Variants in TRPC4 observed in about 807,000 individuals in gnomAD.
The protein encoded by TRPC4 is transient receptor potential cation channel subfamily C member 4.
A neutral mutation model predicts 99.4 loss-of-function variants in TRPC4; 49 were observed. The ratio of observed to expected loss-of-function variants is 0.49; its 90% CI spans 0.39 to 0.63. TRPC4 has a LOEUF of 0.63. TRPC4 is among the 20% of genes least tolerant of loss of function. TRPC4 has a pLI of 0.00. For missense variants in TRPC4, 898 were observed against 1,152.9 expected (o/e 0.78, Z 3.20); for synonymous variants, 454 against 425.9 (o/e 1.07, Z -0.81).
intron 4 of TRPC4, among the ~76,000 whole-genome samples, chr13:37,681,268 CATTAAATCTG>C (rs938314533): frequency 2.0e-5 from 3 of 152,170 alleles, no homozygotes; most frequent in Admixed American, 6.5e-5. Flanking sequence ...AAGGAGGAGA[CATTAAATCTG>C]ATTTTCTTGA....
chr13:37,774,714 T>C (rs1956651531), intron 2 of TRPC4, among the ~76,000 whole-genome samples: 1 of 151,680 alleles, frequency 6.6e-6, no homozygotes, highest in Admixed American at 6.6e-5. Flanking sequence ...AAAAAGAACA[T>C]TTAAAATTCT....
At chr13:37,682,637 T>G (rs923538516) in intron 4 of TRPC4, among the ~76,000 whole-genome samples, 6 of 152,164 alleles carry the variant, frequency 3.9e-5, no homozygotes, top group Non-Finnish European at 8.8e-5. Flanking sequence ...ACCCTATCTG[T>G]TCCCAACCAC....
At chr13:37,802,134 A>C (rs535691159) in intron 1 of TRPC4, among the ~76,000 whole-genome samples, 2 of 152,140 alleles carry the variant, frequency 1.3e-5, no homozygotes, top group Non-Finnish European at 2.9e-5. Flanking sequence ...AATGATTTCA[A>C]ACTTACAGAA....
intron 1 of TRPC4, among the ~76,000 whole-genome samples, chr13:37,833,538 CAA>C (rs1958480398): frequency 6.6e-6 from 1 of 152,184 alleles, no homozygotes; most frequent in South Asian, 2.1e-4. Flanking sequence ...CCTGCTCTGT[CAA>C]AGAGACAGAC....
chr13:37,837,185 C>T (rs560295285), intron 1 of TRPC4, among the ~76,000 whole-genome samples: 1 of 152,226 alleles, frequency 6.6e-6, no homozygotes, highest in Non-Finnish European at 1.5e-5. Context: ...AGGGGCAGGG[C>T]CCTCATAGAG....
intron 3 of TRPC4, among the ~76,000 whole-genome samples, chr13:37,727,849 T>C (rs1955113189): frequency 6.6e-6 from 1 of 152,126 alleles, no homozygotes; most frequent in African/African-American, 2.4e-5. Flanking sequence ...ACTATCATTA[T>C]CAAATGGCAT....
At chr13:37,818,974 A>T (rs1957939279) in intron 1 of TRPC4, among the ~76,000 whole-genome samples, 1 of 152,000 alleles carries the variant, frequency 6.6e-6, no homozygotes, top group South Asian at 2.1e-4. Context: ...TGTGGCCAAC[A>T]AGCATATGAA....
At chr13:37,721,153 A>G (rs17056504) in intron 3 of TRPC4, among the ~76,000 whole-genome samples, 15,019 of 152,248 alleles carry the variant, frequency 0.099, 841 homozygotes, top group Admixed American at 0.17. Context: ...CCCATTTTTC[A>G]TAAGTGCTTA....
At chr13:37,849,896 C>A (rs1368478999) in intron 1 of TRPC4, among the ~76,000 whole-genome samples, 4 of 152,154 alleles carry the variant, frequency 2.6e-5, no homozygotes, top group Admixed American at 2.6e-4. Context: ...ACACAGAAGA[C>A]AAATAATCCA....
intron 4 of TRPC4, among the ~76,000 whole-genome samples, chr13:37,675,549 G>A (rs1273815776): frequency 6.6e-6 from 1 of 152,172 alleles, no homozygotes; most frequent in Non-Finnish European, 1.5e-5. Flanking sequence ...AGCCTGGGGA[G>A]AAAAGAGGCT....
intron 1 of TRPC4, among the ~76,000 whole-genome samples, chr13:37,835,251 C>T (rs1354733830): frequency 6.6e-6 from 1 of 152,156 alleles, no homozygotes; most frequent in Non-Finnish European, 1.5e-5. Context: ...TTCATTTTAA[C>T]TTCATGCCTT....
At chr13:37,751,691 A>G (rs1226138433) in intron 2 of TRPC4, among the ~76,000 whole-genome samples, 1 of 152,064 alleles carries the variant, frequency 6.6e-6, no homozygotes, top group Non-Finnish European at 1.5e-5. Flanking sequence ...CATATATTGA[A>G]TCAACAAATA....
At chr13:37,665,527 A>G (rs1375643074) in intron 5 of TRPC4, among the ~76,000 whole-genome samples, 1 of 152,180 alleles carries the variant, frequency 6.6e-6, no homozygotes, top group Non-Finnish European at 1.5e-5. Context: ...TCAAGTATTC[A>G]TAGCCCGGTG....
At chr13:37,794,278 G>T (rs1312824662) in intron 1 of TRPC4, among the ~76,000 whole-genome samples, 1 of 151,966 alleles carries the variant, frequency 6.6e-6, no homozygotes, top group African/African-American at 2.4e-5. Flanking sequence ...CAAAATAAAA[G>T]TTTATTTTGT....
chr13:37,741,698 A>C (rs1165605665), intron 3 of TRPC4, among the ~76,000 whole-genome samples: 1 of 152,188 alleles, frequency 6.6e-6, no homozygotes, highest in Non-Finnish European at 1.5e-5. Flanking sequence ...CAAGGCTTTC[A>C]TTACGGGCGA....
At chr13:37,864,221 C>G (rs1348241174) in intron 1 of TRPC4, among the ~76,000 whole-genome samples, 2 of 151,566 alleles carry the variant, frequency 1.3e-5, no homozygotes, top group African/African-American at 4.8e-5. Context: ...AGTAAGCATT[C>G]CTGAGAAACA....
At chr13:37,844,799 C>T (rs1958847410) in intron 1 of TRPC4, among the ~76,000 whole-genome samples, 1 of 152,166 alleles carries the variant, frequency 6.6e-6, no homozygotes, top group African/African-American at 2.4e-5. Context: ...CACATTAAGC[C>T]AGCAGGCAAG....
chr13:37,778,302 G>A (rs1157586758), intron 2 of TRPC4, among the ~76,000 whole-genome samples: 1 of 151,938 alleles, frequency 6.6e-6, no homozygotes, highest in East Asian at 1.9e-4. Context: ...TTCCCCATTT[G>A]TAAGTGGAGA....
intron 1 of TRPC4, among the ~76,000 whole-genome samples, chr13:37,809,940 T>C (rs139885251): frequency 6.6e-6 from 1 of 152,062 alleles, no homozygotes. Flanking sequence ...GGCTTCTAGA[T>C]TTACAACTAA....
Sources: allele counts gnomAD v4.1 joint callset (sites outside exome capture counted in the v4.1 genomes callset), GRCh38; gene constraint gnomAD v4.1.1; transcripts MANE v1.5; gene names NCBI Gene and HGNC (gene_info 2026-07-23, HGNC 2026-07-21).